Variants in EYS observed in about 807,000 individuals in gnomAD.
The protein encoded by EYS is protein eyes shut homolog.
Under a neutral mutation model 282.1 loss-of-function variants are expected in EYS, and 250 were observed. That is an observed-to-expected ratio of 0.89 (90% CI 0.80 to 0.98). The LOEUF (loss-of-function observed/expected upper bound fraction) is 0.98, where lower values mean the gene tolerates loss of function less well. Ranked by LOEUF, EYS falls within the 50% of genes least tolerant of loss-of-function variation. The pLI is 0.00. For synonymous variants in EYS, 1,355 were observed against 1,282.9 expected (o/e 1.06, Z -1.20); for missense variants, 4,016 against 3,709.0 (o/e 1.08, Z -2.15).
At chr6:63,892,192 C>T (rs974871712) in intron 35 of EYS, among the ~76,000 whole-genome samples, 2 of 152,196 alleles carry the variant, frequency 1.3e-5, no homozygotes, top group Non-Finnish European at 2.9e-5. Context: ...TCCCATCAAG[C>T]TACCATTGAC....
intron 33 of EYS, 133 bp from the exon 34 acceptor site, chr6:63,999,316 C>A: frequency 1.4e-6 from 1 of 690,662 alleles, no homozygotes; most frequent in South Asian, 1.5e-5. Flanking sequence ...AAATATGGAC[C>A]CAGCCAAGTG....
chr6:65,258,217 T>A (rs1365618184), intron 12 of EYS, among the ~76,000 whole-genome samples: 2 of 151,916 alleles, frequency 1.3e-5, no homozygotes, highest in Admixed American at 6.6e-5. Context: ...TTCCAGTTAG[T>A]GACAGAAAAA....
chr6:64,098,603 CTTTT>C (rs544031589), intron 31 of EYS, among the ~76,000 whole-genome samples: 2 of 139,976 alleles, frequency 1.4e-5, no homozygotes, highest in Non-Finnish European at 1.6e-5. Flanking sequence ...TTCTTTCTTT[CTTTT>C]TTTTTTTTTT....
Position 64,107,283 on chromosome 6 carries a change from A to G in EYS, c.6425-25281T>C, listed in dbSNP as rs868720811. The stretch of plus-strand genomic sequence containing the variant: ...TATGTGTGTGTGTGTATATATATAT[A>G]TTTATATATATATATATATATATAT... On this transcript the variant is annotated intron_variant, in intron 31 of 42. Transcript: ENST00000503581. 2.3e-4 allele frequency among the ~76,000 whole-genome samples: 19 copies of G among 83,560 alleles called. 1 individual carries two copies. Among genetic ancestry groups the G allele is most frequent in the African/African-American group, 4.7e-4 (10 of 21,132 alleles). 54.8% of individuals were successfully genotyped at this position (83,560 alleles called of 152,430 possible). A position where few individuals can be genotyped will look rare whatever the true frequency, so the allele number is the denominator to read the frequency against.
At chr6:64,217,921 G>A (rs1765982516) in intron 31 of EYS, among the ~76,000 whole-genome samples, 1 of 152,166 alleles carries the variant, frequency 6.6e-6, no homozygotes, top group South Asian at 2.1e-4. Flanking sequence ...TTCAGAAATA[G>A]TTGATAGTGG....
chr6:64,714,545 A>G (rs1166591064), intron 22 of EYS, among the ~76,000 whole-genome samples: 3 of 88,990 alleles, frequency 3.4e-5, no homozygotes, highest in Non-Finnish European at 6.1e-5. Flanking sequence ...TTTTTTTTTG[A>G]GACGGAGTCT....
At chr6:65,299,221 A>G (rs1395425748) in intron 11 of EYS, among the ~76,000 whole-genome samples, 1 of 152,142 alleles carries the variant, frequency 6.6e-6, no homozygotes. Flanking sequence ...TATGTGTTTA[A>G]TTCATGAATT....
chr6:64,043,414 G>A (rs1020901806), intron 33 of EYS, among the ~76,000 whole-genome samples: 3 of 152,220 alleles, frequency 2.0e-5, no homozygotes, highest in South Asian at 2.1e-4. Context: ...GATTGCATGC[G>A]TGTCACACGC....
At chr6:64,699,207 G>T (rs1293584442) in intron 22 of EYS, among the ~76,000 whole-genome samples, 3 of 152,086 alleles carry the variant, frequency 2.0e-5, no homozygotes, top group Admixed American at 2.0e-4. Flanking sequence ...ATTATACTTA[G>T]CAAACTAACA....
chr6:64,348,669 G>T (rs1278051894), intron 29 of EYS, among the ~76,000 whole-genome samples: 2 of 151,398 alleles, frequency 1.3e-5, no homozygotes, highest in African/African-American at 4.8e-5. Flanking sequence ...TTCTAAACTT[G>T]TTTGGGAAAG....
chr6:65,674,552 A>G (rs564991456), intron 1 of EYS, among the ~76,000 whole-genome samples: 8 of 151,682 alleles, frequency 5.3e-5, no homozygotes, highest in African/African-American at 1.9e-4. Flanking sequence ...CAGCAGAAAT[A>G]TTGAAGGCCA....
At chr6:63,876,267 T>C (rs1002549821) in intron 35 of EYS, among the ~76,000 whole-genome samples, 1 of 152,342 alleles carries the variant, frequency 6.6e-6, no homozygotes, top group Admixed American at 6.5e-5. Flanking sequence ...TCAGTTTCCA[T>C]GTAGTTGAGC....
chr6:65,609,759 C>A (rs1476088549), intron 2 of EYS, among the ~76,000 whole-genome samples: 1 of 152,142 alleles, frequency 6.6e-6, no homozygotes, highest in African/African-American at 2.4e-5. Flanking sequence ...TACATTTAAT[C>A]CTCTGAATCA....
intron 35 of EYS, among the ~76,000 whole-genome samples, chr6:63,947,793 T>C (rs1045395189): frequency 1.3e-5 from 2 of 152,224 alleles, no homozygotes; most frequent in African/African-American, 4.8e-5. Flanking sequence ...TTATGCCTTA[T>C]GTTGAGCTCT....
intron 31 of EYS, among the ~76,000 whole-genome samples, chr6:64,193,571 T>C (rs1009540680): frequency 6.6e-6 from 1 of 152,128 alleles, no homozygotes; most frequent in Non-Finnish European, 1.5e-5. Context: ...TACATATGTA[T>C]ACATGTGCCA....
At chr6:63,946,637 C>T (rs1765404862) in intron 35 of EYS, among the ~76,000 whole-genome samples, 1 of 151,476 alleles carries the variant, frequency 6.6e-6, no homozygotes, top group Admixed American at 6.6e-5. Flanking sequence ...AACTGTGTTA[C>T]ATCTCAGTTA....
chr6:63,767,935 C>G (rs1025343425), intron 40 of EYS, among the ~76,000 whole-genome samples: 1 of 151,846 alleles, frequency 6.6e-6, no homozygotes, highest in Non-Finnish European at 1.5e-5. Context: ...CCTAAAAGCA[C>G]CTGATCTTCA....
intron 28 of EYS, among the ~76,000 whole-genome samples, chr6:64,392,224 G>C (rs534674181): frequency 3.4e-5 from 5 of 149,084 alleles, no homozygotes; most frequent in Non-Finnish European, 7.4e-5. Context: ...CAACGAGACA[G>C]AAAGTCAACA....
At chr6:64,974,603 C>T (rs935341189) in intron 14 of EYS, among the ~76,000 whole-genome samples, 1 of 151,826 alleles carries the variant, frequency 6.6e-6, no homozygotes, top group African/African-American at 2.4e-5. Flanking sequence ...GATTAAACTA[C>T]ATTTTCCACT....
Sources: gnomAD v4.1 joint callset for allele counts (sites outside exome capture counted in the v4.1 genomes callset) on GRCh38, gnomAD v4.1.1 for gene constraint, MANE v1.5 for transcripts, NCBI Gene and HGNC (gene_info 2026-07-23, HGNC 2026-07-21) for gene names.